The following SHISA9 variants were observed in gnomAD, a reference collection of about 807,000 sequenced individuals.
The protein encoded by SHISA9 is shisa family member 9.
In SHISA9, 13 loss-of-function variants were observed where a neutral mutation model predicts 38.0. That is an observed-to-expected ratio of 0.34 (90% CI 0.22 to 0.54). The LOEUF is 0.54. Ranked by LOEUF, SHISA9 falls within the 20% of genes least tolerant of loss-of-function variation. The pLI, the probability that SHISA9 is intolerant of heterozygous loss-of-function variation, is 0.91. For synonymous variants in SHISA9, 275 were observed against 242.0 expected (o/e 1.14, Z -1.27); for missense variants, 538 against 575.8 (o/e 0.93, Z 0.67).
downstream of SHISA9, among the ~76,000 whole-genome samples, chr16:13,242,480 G>C (rs2051442575): frequency 6.6e-6 from 1 of 152,190 alleles, no homozygotes. Context: ...AGGACTATGA[G>C]ATGCAGAAGA....
the SHISA9 span, among the ~76,000 whole-genome samples, chr16:13,446,006 G>A: frequency 6.6e-6 from 1 of 151,980 alleles, no homozygotes; most frequent in Admixed American, 6.6e-5. Context: ...ACAGTGCTGC[G>A]ATCTCAGCTC....
At chr16:13,155,472 T>A (rs1251873791) in intron 2 of SHISA9, among the ~76,000 whole-genome samples, 2 of 152,110 alleles carry the variant, frequency 1.3e-5, no homozygotes, top group African/African-American at 4.8e-5. Flanking sequence ...GTTGAGAAAA[T>A]GATGTTGACT....
At chr16:13,272,934 C>T in the SHISA9 span, among the ~76,000 whole-genome samples, 1 of 152,092 alleles carries the variant, frequency 6.6e-6, no homozygotes, top group Admixed American at 6.6e-5. Flanking sequence ...TTTTCTCTCT[C>T]TCTGTTTTTA....
intron 2 of SHISA9, among the ~76,000 whole-genome samples, chr16:12,950,896 C>G (rs1017751668): frequency 6.6e-6 from 1 of 150,846 alleles, no homozygotes. Context: ...GCGAGAGCCA[C>G]TGCGCCCGGC....
In SHISA9 at chr16:13,120,805, T is replaced by C. The variant is rs115178372; in HGVS notation, c.692-82589T>C. On this transcript the variant is annotated intron_variant, in intron 2 of 4. Transcript: ENST00000558583. Reference sequence around the variant, plus strand: ...AGGATTGACAGCTTTTCTGTGCCTTTTAAATGCCTGTATGACAGTCAGATT... The same window carrying C: ...AGGATTGACAGCTTTTCTGTGCCTTCTAAATGCCTGTATGACAGTCAGATT... 1.0e-2 allele frequency among the ~76,000 whole-genome samples: 1,517 copies of C among 152,296 alleles called. 27 individuals are homozygous for C. Among genetic ancestry groups the C allele is most frequent in the African/African-American group, 0.033 (1,391 of 41,568 alleles).
At chr16:13,032,552 A>AT (rs1198999134) in intron 2 of SHISA9, among the ~76,000 whole-genome samples, 1 of 152,156 alleles carries the variant, frequency 6.6e-6, no homozygotes, top group Non-Finnish European at 1.5e-5. Context: ...TTATTGCATG[A>AT]TTTTGTATAA....
At chr16:13,561,952 C>T in the SHISA9 span, among the ~76,000 whole-genome samples, 1 of 152,052 alleles carries the variant, frequency 6.6e-6, no homozygotes, top group Admixed American at 6.5e-5. Context: ...GGAGTGGATC[C>T]AGGGGCATCA....
chr16:13,014,257 C>A (rs183808154), intron 2 of SHISA9, among the ~76,000 whole-genome samples: 2 of 152,294 alleles, frequency 1.3e-5, no homozygotes, highest in African/African-American at 4.8e-5. Flanking sequence ...GCCATCCTCC[C>A]AGGTAAAGCA....
the SHISA9 span, among the ~76,000 whole-genome samples, chr16:13,481,349 A>C: frequency 6.6e-6 from 1 of 152,194 alleles, no homozygotes; most frequent in East Asian, 1.9e-4. Flanking sequence ...TATTTGGAAA[A>C]AGTACAACTC....
chr16:13,378,140 A>G, the SHISA9 span, among the ~76,000 whole-genome samples: 1 of 152,230 alleles, frequency 6.6e-6, no homozygotes, highest in Non-Finnish European at 1.5e-5. Flanking sequence ...CTTGGGATTT[A>G]TGTTACTTAG....
chr16:13,202,407 ATC>A (rs752497575), intron 2 of SHISA9, among the ~76,000 whole-genome samples: 2 of 133,426 alleles, frequency 1.5e-5, no homozygotes, highest in East Asian at 2.0e-4. Flanking sequence ...ACCTTCCTGA[ATC>A]TCTCTTTCCT....
At chr16:13,537,416 G>A in the SHISA9 span, among the ~76,000 whole-genome samples, 1 of 148,982 alleles carries the variant, frequency 6.7e-6, no homozygotes, top group African/African-American at 2.5e-5. Context: ...TGACAAGAAT[G>A]AAACTTCACC....
intron 2 of SHISA9, among the ~76,000 whole-genome samples, chr16:13,147,198 T>C (rs1013689532): frequency 1.2e-4 from 19 of 152,084 alleles, no homozygotes; most frequent in African/African-American, 4.3e-4. Flanking sequence ...CACGGAAGAA[T>C]GGTAGGAAAT....
chr16:12,976,029 A>G (rs546133672), intron 2 of SHISA9, among the ~76,000 whole-genome samples: 2 of 152,240 alleles, frequency 1.3e-5, no homozygotes, highest in South Asian at 2.1e-4. Context: ...GTTGGAACCA[A>G]TCATGGGTTG....
the SHISA9 span, among the ~76,000 whole-genome samples, chr16:13,372,911 CATAG>C: frequency 1.6e-4 from 11 of 67,246 alleles, no homozygotes; most frequent in African/African-American, 3.5e-4. Flanking sequence ...ATTTTAATGA[CATAG>C]ATATACTGTT....
chr16:12,988,556 G>A (rs1043892170), intron 2 of SHISA9, among the ~76,000 whole-genome samples: 5 of 152,032 alleles, frequency 3.3e-5, no homozygotes, highest in African/African-American at 4.8e-5. Flanking sequence ...ACAGCCTCTC[G>A]CTCTGTCACC....
At chr16:13,208,665 T>A (rs2051090580) in intron 3 of SHISA9, among the ~76,000 whole-genome samples, 1 of 152,126 alleles carries the variant, frequency 6.6e-6, no homozygotes, top group Non-Finnish European at 1.5e-5. Context: ...TAGCACACAC[T>A]GGGGAATTGT....
At chr16:13,257,857 T>G in the SHISA9 span, among the ~76,000 whole-genome samples, 4 of 145,656 alleles carry the variant, frequency 2.7e-5, no homozygotes, top group African/African-American at 7.6e-5. Flanking sequence ...AAACCCAATT[T>G]AAATACTTTA....
chr16:13,220,176 G>A (rs975131152), intron 4 of SHISA9, among the ~76,000 whole-genome samples: 5 of 152,158 alleles, frequency 3.3e-5, no homozygotes, highest in African/African-American at 1.2e-4. Flanking sequence ...AGCTGATGTG[G>A]GAGGTTCTTC....
Sources: allele counts gnomAD v4.1 joint callset (sites outside exome capture counted in the v4.1 genomes callset), GRCh38; gene constraint gnomAD v4.1.1; transcripts MANE v1.5; gene names NCBI Gene and HGNC (gene_info 2026-07-23, HGNC 2026-07-21).